The following PRKD3 variants were observed in gnomAD, a reference collection of about 807,000 sequenced individuals.
The protein encoded by PRKD3 is protein kinase D3.
PRKD3 carries 47 observed loss-of-function variants against 99.2 expected under a neutral mutation model. The ratio of observed to expected loss-of-function variants is 0.47; its 90% CI spans 0.38 to 0.60. The LOEUF (loss-of-function observed/expected upper bound fraction) is 0.60, where lower values mean the gene tolerates loss of function less well. PRKD3 is among the 20% of genes least tolerant of loss of function. The pLI is 0.00. For missense variants in PRKD3, 1,019 were observed against 1,088.4 expected, an observed-to-expected ratio of 0.94 and a Z score of 0.90; for synonymous variants, 392 against 355.4, an observed-to-expected ratio of 1.10 and a Z score of -1.16.
chr2:37,294,254 C>A (rs957262561), intron 2 of PRKD3, among the ~76,000 whole-genome samples: 2 of 149,290 alleles, frequency 1.3e-5, no homozygotes, highest in Non-Finnish European at 3.0e-5. Flanking sequence ...TGTCACCACT[C>A]CCAGCTAATT....
chr2:37,253,452 C>G (rs1018292484), intron 18 of PRKD3, 102 bp from the exon 19 acceptor site: 5 of 942,786 alleles, frequency 5.3e-6, no homozygotes, highest in Non-Finnish European at 6.2e-6. Flanking sequence ...GTGCCCTAGT[C>G]AAATAATTGA....
intron 1 of PRKD3, chr2:37,324,476 C>G (rs1288754183): frequency 1.3e-5 from 2 of 150,888 alleles, no homozygotes; most frequent in Admixed American, 1.3e-4. Context: ...AACTTCCCGC[C>G]CAGCGCGGCT....
intron 9 of PRKD3, 56 bp downstream of exon 9, chr2:37,277,810 G>T: frequency 6.4e-7 from 1 of 1,573,528 alleles, no homozygotes; most frequent in South Asian, 1.1e-5. Context: ...AAAATGCACA[G>T]AATGAAACTC....
At chr2:37,309,014 TTTAACA>T (rs760746544) in intron 2 of PRKD3, among the ~76,000 whole-genome samples, 10 of 152,130 alleles carry the variant, frequency 6.6e-5, no homozygotes, top group Non-Finnish European at 1.5e-4. Context: ...CCAGATAAAC[TTTAACA>T]TTGTCAGAGT....
intron 1 of PRKD3, chr2:37,324,138 C>G: frequency 1.0e-6 from 1 of 982,126 alleles, no homozygotes; most frequent in Non-Finnish European, 1.2e-6. Flanking sequence ...ACTAGCAAAT[C>G]CAAACGCAGT....
intron 5 of PRKD3, among the ~76,000 whole-genome samples, chr2:37,287,295 C>T (rs1329039359): frequency 1.5e-5 from 2 of 131,650 alleles, no homozygotes; most frequent in East Asian, 4.8e-4. Flanking sequence ...AGAAAAATAC[C>T]TGCCTACACT....
At chr2:37,262,885 TAA>T (rs1275847325) in intron 14 of PRKD3, among the ~76,000 whole-genome samples, 1 of 149,268 alleles carries the variant, frequency 6.7e-6, no homozygotes, top group African/African-American at 2.5e-5. Context: ...CAAAGTATCC[TAA>T]GATTCCTTCC....
chr2:37,317,845 A>T (rs1671729562), intron 1 of PRKD3: 1 of 152,222 alleles, frequency 6.6e-6, no homozygotes, highest in African/African-American at 2.4e-5. Flanking sequence ...AGCTTCCAAG[A>T]TCAGACAAGA....
chr2:37,267,448 A>G lies in PRKD3; in HGVS notation c.1866T>C (p.Asn622=), dbSNP rs2302650. Residue 622 remains asparagine (N), a synonymous_variant, in exon 14 of 19, where the codon AAT becomes AAC. Transcript: ENST00000234179. ...FPTKQESQLR[N]EVAILQNLHH... is the part of the protein sequence containing the mutation. Reference sequence around the variant, plus strand: ...TTTTTACCTGTAAAATAGCCACTTCATTACGGAGTTGACTTTCTTGTTTTG... The same window carrying G: ...TTTTTACCTGTAAAATAGCCACTTCGTTACGGAGTTGACTTTCTTGTTTTG... The G allele has an allele frequency of 0.14, 222,670 of 1,601,086 alleles. 17,059 individuals are homozygous for G. The highest frequency in any genetic ancestry group is 0.27 in the South Asian group (23,980 of 89,472).
At chr2:37,307,096 A>G (rs1489894327) in intron 2 of PRKD3, among the ~76,000 whole-genome samples, 1 of 152,148 alleles carries the variant, frequency 6.6e-6, no homozygotes, top group African/African-American at 2.4e-5. Context: ...CCCTCTATCC[A>G]CTAGATGCTG....
chr2:37,282,724 G>T (rs1669908753), intron 6 of PRKD3, 105 bp from the exon 7 acceptor site: 8 of 788,442 alleles, frequency 1.0e-5, no homozygotes, highest in Admixed American at 2.2e-5. Context: ...TATTAGTAAT[G>T]ATGATATTAA....
chr2:37,316,089 T>A (rs946735966), intron 2 of PRKD3, 148 bp downstream of exon 2: 11 of 802,572 alleles, frequency 1.4e-5, no homozygotes, highest in African/African-American at 5.3e-5. Flanking sequence ...TTTCAGTCTT[T>A]AGCCTCAGAG....
rs764645764 is a variant in PRKD3, at chr2:37,260,352, T to A, written c.1917A>T (p.Glu639Asp). The A allele has an allele frequency of 3.7e-6, 6 of 1,611,942 alleles. No individual in the cohort carries two copies. The South Asian group carries it at 6.6e-5, about 18-fold the overall frequency. ...CTCGTTCTGGGGTTTCAAACATACA[T>A]TCCAGGTTTACAATCCCAGGATGGT... The part of the protein sequence containing the change: ...NLHHPGIVNL[E>D]CMFETPERVF... Residue 639 changes from glutamate (E) to aspartate (D), a missense_variant, in exon 15 of 19, where the codon GAA (glutamate) becomes GAT (aspartate). This residue lies in a region of PRKD3 where 184 missense variants were observed against 275.1 expected (regional missense o/e 0.67). Transcript: ENST00000234179.
chr2:37,306,333 T>C (rs1671164655), intron 2 of PRKD3, among the ~76,000 whole-genome samples: 1 of 152,214 alleles, frequency 6.6e-6, no homozygotes, highest in Non-Finnish European at 1.5e-5. Context: ...GTACCATTAG[T>C]TCTTCGGGTT....
chr2:37,277,821 A>G (rs1282775019), intron 9 of PRKD3, 45 bp downstream of exon 9: 5 of 1,593,852 alleles, frequency 3.1e-6, no homozygotes, highest in South Asian at 2.3e-5. Flanking sequence ...AATGAAACTC[A>G]TAACAAAGTC....
Position 37,260,159 on chromosome 2 carries a change from T to G in PRKD3, c.2046+64A>C, listed in dbSNP as rs1199356887. 2.5e-5 allele frequency: 35 copies of G among 1,419,404 alleles called. No individual in the cohort carries two copies. The South Asian group carries it at 4.5e-4, about 18-fold the overall frequency. 87.9% of individuals were successfully genotyped at this position (1,419,404 alleles called of 1,614,324 possible). ...AGCCCAGGTGACAGAGTAAGACTCT[T>G]GTCTTAAAAAAAAAAAAATTAGTTT... On this transcript the variant is annotated intron_variant, in intron 15 of 18. Transcript: ENST00000234179.
intron 2 of PRKD3, among the ~76,000 whole-genome samples, chr2:37,312,494 T>C (rs917537046): frequency 1.1e-4 from 16 of 152,238 alleles, no homozygotes; most frequent in African/African-American, 3.6e-4. Flanking sequence ...CTCTGCCTTC[T>C]TGTTCCAGCT....
At chr2:37,268,400 T>C (rs1428399941) in intron 13 of PRKD3, 5 of 469,334 alleles carry the variant, frequency 1.1e-5, no homozygotes, top group Non-Finnish European at 2.2e-5. Flanking sequence ...AGATATTATA[T>C]ATGCATGCAG....
intron 2 of PRKD3, among the ~76,000 whole-genome samples, chr2:37,310,790 AG>A (rs1327271006): frequency 6.6e-6 from 1 of 152,174 alleles, no homozygotes; most frequent in Non-Finnish European, 1.5e-5. Flanking sequence ...GCATGTCTGA[AG>A]CTTAGGAAAG....
Sources: allele counts gnomAD v4.1 joint callset (sites outside exome capture counted in the v4.1 genomes callset), GRCh38; gene constraint gnomAD v4.1.1; regional missense constraint gnomAD v4.1.1; transcripts MANE v1.5; gene names NCBI Gene and HGNC (gene_info 2026-07-23, HGNC 2026-07-21).